The following ELN variants were observed in gnomAD, a reference collection of about 807,000 sequenced individuals.
ELN encodes the protein elastin.
ELN carries 65 observed loss-of-function variants against 105.8 expected under a neutral mutation model. The ratio of observed to expected loss-of-function variants is 0.61; its 90% confidence interval spans 0.50 to 0.75. The LOEUF (loss-of-function observed/expected upper bound fraction) is 0.75. ELN is among the 30% of genes least tolerant of loss of function. The pLI is 0.00. For synonymous variants in ELN, 368 were observed against 389.2 expected, an observed-to-expected ratio of 0.95 and a Z score of 0.64; for missense variants, 882 against 969.4, an observed-to-expected ratio of 0.91 and a Z score of 1.20.
At chr7:74,058,009 C>T (rs528581724) in intron 22 of ELN, among the ~76,000 whole-genome samples, 1 of 152,060 alleles carries the variant, frequency 6.6e-6, no homozygotes, top group South Asian at 2.1e-4. Context: ...AGTTCTCCCC[C>T]TTCTCCTTCT....
At position 74,058,267 on chromosome 7, in the gene ELN, TCTTCTTCTTCTTCCTCTG is replaced by T. The variant is rs1445609551; in HGVS notation, c.1414+578_1414+595del. On this transcript the variant is annotated intron_variant, in intron 22 of 32. Coordinates refer to ENST00000252034, the MANE Select transcript of ELN (RefSeq NM_000501.4). ...CTCCTTCTTTCTTCTTCTTTCTCCT[TCTTCTTCTTCTTCCTCTG>T]CTTCTTTCTCCTCCTTCTTCTCTTC... Among the ~76,000 whole-genome samples, 99 of 17,278 alleles carry T rather than the reference TCTTCTTCTTCTTCCTCTG, an allele frequency of 5.7e-3. 1 individual carries two copies. The highest frequency in any genetic ancestry group is 0.026 in the African/African-American group (83 of 3,150). The allele number at this position is 17,278 out of a possible 152,430, so 11.3% of individuals were successfully genotyped here. A position where few individuals can be genotyped will look rare whatever the true frequency, so the allele number is the denominator to read the frequency against.
In ELN at chr7:74,063,349, C is replaced by T; in HGVS notation, c.1898C>T (p.Ala633Val). 2 of 1,548,696 alleles carry T rather than the reference C, an allele frequency of 1.3e-6. No individual in the cohort carries two copies. Among genetic ancestry groups the T allele is most frequent in the Non-Finnish European group, 1.7e-6 (2 of 1,147,720 alleles). ...GCCGCCGCTGCCGCAGCCAAAGCTG[C>T]TGCCAAAGCCGCCCAGTTTGGTGAG... is the stretch of plus-strand genomic sequence containing the variant. ...PAAAAAAAKAAAKAAQFGLVG... is the reference protein window; with the variant it reads ...PAAAAAAAKAVAKAAQFGLVG... Residue 633 changes from alanine to valine, a missense_variant, in exon 28 of 33, where the codon GCT becomes GTT. Coordinates refer to ENST00000252034, the MANE Select transcript of ELN (RefSeq NM_000501.4). This position sits in a 1 kb window ranked among gnomAD's most constrained non-coding sequence, Gnocchi z 4.1.
At chr7:74,054,649 G>A in intron 18 of ELN, 67 bp from the exon 19 acceptor site, 1 of 1,515,304 alleles carries the variant, frequency 6.6e-7, no homozygotes, top group Non-Finnish European at 9.2e-7. Flanking sequence ...GGTAGACAGA[G>A]GGATACATAC....
chr7:74,057,597 G>A, intron 21 of ELN, 43 bp from the exon 22 acceptor site: 1 of 1,610,220 alleles, frequency 6.2e-7, no homozygotes. Context: ...GCAGGGAGGG[G>A]TGTGAGAGAT....
intron 9 of ELN, 121 bp from the exon 10 acceptor site, chr7:74,045,101 C>T (rs781848718): frequency 1.3e-5 from 14 of 1,091,678 alleles, no homozygotes; most frequent in African/African-American, 4.6e-5. Context: ...CCCCGTGAGC[C>T]GTGCCTGTCA....
intron 15 of ELN, among the ~76,000 whole-genome samples, chr7:74,048,826 T>C (rs1793176951): frequency 6.6e-6 from 1 of 151,134 alleles, no homozygotes; most frequent in Non-Finnish European, 1.5e-5. Flanking sequence ...CATCCATTCA[T>C]GTACTCATCT....
intron 23 of ELN, 36 bp downstream of exon 23, chr7:74,060,083 C>G (rs782214788): frequency 3.7e-6 from 6 of 1,613,998 alleles, no homozygotes; most frequent in East Asian, 4.5e-5. Flanking sequence ...GAGGGGCCCC[C>G]GAAGCCTCCA....
rs1583857559 is a variant in ELN, at chr7:74,051,805, G to A, written c.855G>A (p.Val285=). Residue 285 remains valine (V), a synonymous_variant, in exon 16 of 33, where the codon GTG becomes GTA. Transcript: ENST00000252034. ...PGVGGAGVPG[V]PGAIPGIGGI... ...TTGGAGGGGCTGGTGTTCCTGGCGTGCCTGGGGCAATTCCTGGAATTGGAG... is the reference window on the plus strand; with the variant it reads ...TTGGAGGGGCTGGTGTTCCTGGCGTACCTGGGGCAATTCCTGGAATTGGAG... The A allele has an allele frequency of 1.2e-6, 2 of 1,614,122 alleles. No individual in the cohort carries two copies. Among genetic ancestry groups the A allele is most frequent in the African/African-American group, 1.3e-5 (1 of 74,948 alleles).
At chr7:74,057,424 C>T (rs1168174631) in intron 21 of ELN, 1 of 1,517,152 alleles carries the variant, frequency 6.6e-7, no homozygotes, top group Middle Eastern at 1.8e-4. Flanking sequence ...GTGCCAGGTG[C>T]CCCAGGCGCA....
At chr7:74,029,543 G>T (rs1277956038) in intron 1 of ELN, among the ~76,000 whole-genome samples, 1 of 152,156 alleles carries the variant, frequency 6.6e-6, no homozygotes, top group Non-Finnish European at 1.5e-5. Flanking sequence ...GGGGGCGGGA[G>T]GGCCACGGGG....
intron 5 of ELN, 55 bp from the exon 6 acceptor site, chr7:74,042,559 A>T: frequency 6.5e-7 from 1 of 1,530,490 alleles, no homozygotes; most frequent in Non-Finnish European, 9.0e-7. Context: ...GCCAGAGCGT[A>T]GGAGTCTTCA....
At chr7:74,064,310 G>A (rs1357193181) in intron 29 of ELN, among the ~76,000 whole-genome samples, 15 of 151,666 alleles carry the variant, frequency 9.9e-5, no homozygotes, top group Non-Finnish European at 7.4e-5. Flanking sequence ...AGCTACTCAG[G>A]AGGCTGAGGC....
intron 1 of ELN, among the ~76,000 whole-genome samples, chr7:74,029,903 A>G (rs1554661243): frequency 6.6e-6 from 1 of 152,204 alleles, no homozygotes; most frequent in Non-Finnish European, 1.5e-5. Flanking sequence ...GGGGGTTAGT[A>G]TCAGCCAGCT....
In ELN at chr7:74,048,218, G is replaced by A. The variant is rs781966189; in HGVS notation, c.745+17G>A. On this transcript the variant is annotated intron_variant, in intron 14 of 32. Coordinates refer to ENST00000252034, the MANE Select transcript of ELN (RefSeq NM_000501.4). ...CAGGGACAGGTAAGGAAAGCCTCAC[G>A]TCACTTCCAGCCAAGGGAGCACTGA... 15 of 1,613,982 alleles carry A rather than the reference G, an allele frequency of 9.3e-6. No homozygotes were observed. Among genetic ancestry groups the A allele is most frequent in the Admixed American group, 1.7e-5 (1 of 60,004 alleles).
rs782601747 is a variant in ELN, at chr7:74,028,204, C to T, written c.17C>T (p.Ala6Val). MAGLT[A>V]AAPRPGVLLL... is the part of the protein sequence containing the mutation. ...CTCCCCGAGATGGCGGGTCTGACGGCGGCGGCCCCGCGGCCCGGAGTCCTC... is the reference window on the plus strand; with the variant it reads ...CTCCCCGAGATGGCGGGTCTGACGGTGGCGGCCCCGCGGCCCGGAGTCCTC... Residue 6 changes from alanine to valine, a missense_variant, in exon 1 of 33, where the codon GCG becomes GTG. Coordinates refer to ENST00000252034, the MANE Select transcript of ELN (RefSeq NM_000501.4). The T allele has an allele frequency of 3.7e-6, 6 of 1,610,874 alleles. No homozygotes were observed. The highest frequency in any genetic ancestry group is 2.2e-5 in the East Asian group (1 of 44,824).
chr7:74,032,228 T>G (rs919020127), intron 1 of ELN, among the ~76,000 whole-genome samples: 28 of 151,988 alleles, frequency 1.8e-4, no homozygotes, highest in Admixed American at 1.1e-3. Flanking sequence ...CAAAACCACA[T>G]AAAACAAGAC....
intron 32 of ELN, among the ~76,000 whole-genome samples, chr7:74,067,498 C>G (rs1218377995): frequency 1.3e-5 from 2 of 151,760 alleles, no homozygotes; most frequent in African/African-American, 4.8e-5. Flanking sequence ...GAACTCCTGA[C>G]CTCGTGATCC....
chr7:74,056,497 G>A lies in ELN; in HGVS notation c.1315+62G>A, dbSNP rs188445775. ...AGGGATGGGGGCTTCTTGTCTGCTC[G>A]GCTCTGCAGGGGCAGTGGGGACTGT... On this transcript the variant is annotated intron_variant, in intron 20 of 32. Transcript: ENST00000252034. 6.6e-5 allele frequency: 107 copies of A among 1,610,946 alleles called. No individual in the cohort carries two copies. The African/African-American group carries it at 7.3e-4, about 11-fold the overall frequency.
At chr7:74,052,626 G>A (rs1583866257) in intron 17 of ELN, 2 of 159,796 alleles carry the variant, frequency 1.3e-5, no homozygotes, top group Admixed American at 1.2e-4. Flanking sequence ...AGGAAGGAAG[G>A]AAGGAAGGAA....
Sources: gnomAD v4.1 joint callset for allele counts (sites outside exome capture counted in the v4.1 genomes callset) on GRCh38, gnomAD v4.1.1 for gene constraint, Gnocchi (gnomAD v3.1) non-coding constraint, MANE v1.5 for transcripts, NCBI Gene and HGNC (gene_info 2026-07-23, HGNC 2026-07-21) for gene names.